Variants in SMYD3 observed in about 807,000 individuals in gnomAD.
SMYD3 encodes the protein SET and MYND domain containing 3.
SMYD3 carries 36 observed loss-of-function variants against 57.7 expected under a neutral mutation model. The observed-to-expected ratio is 0.62, with a 90% confidence interval of 0.48 to 0.82. The LOEUF (loss-of-function observed/expected upper bound fraction) is 0.82. Among genes scored for constraint, SMYD3 ranks in the 40% least tolerant of loss-of-function variants. The pLI, the probability that SMYD3 is intolerant of heterozygous loss-of-function variation, is 0.00. For synonymous variants in SMYD3, 211 were observed against 195.0 expected (o/e 1.08, Z -0.68); for missense variants, 515 against 538.8 (o/e 0.96, Z 0.44).
At chr1:245,973,363 C>A (rs1034750602) in intron 5 of SMYD3, among the ~76,000 whole-genome samples, 1 of 152,196 alleles carries the variant, frequency 6.6e-6, no homozygotes, top group African/African-American at 2.4e-5. Flanking sequence ...ATGTTATACA[C>A]AGGGTGTTCA....
intron 5 of SMYD3, among the ~76,000 whole-genome samples, chr1:246,006,829 C>G (rs2059181125): frequency 6.6e-6 from 1 of 152,124 alleles, no homozygotes; most frequent in Non-Finnish European, 1.5e-5. Flanking sequence ...AATCGCGGGG[C>G]TATTGAAGAC....
intron 5 of SMYD3, among the ~76,000 whole-genome samples, chr1:246,217,905 G>T (rs906164659): frequency 1.3e-5 from 2 of 152,040 alleles, no homozygotes; most frequent in African/African-American, 4.8e-5. Flanking sequence ...CATACTCATG[G>T]CCCAACAATT....
chr1:245,889,549 A>C (rs949157370), intron 8 of SMYD3, among the ~76,000 whole-genome samples: 4 of 152,226 alleles, frequency 2.6e-5, no homozygotes, highest in Non-Finnish European at 5.9e-5. Flanking sequence ...TAATGAAGGA[A>C]TAAATGTCAA....
intron 6 of SMYD3, 43 bp downstream of exon 6, chr1:245,929,827 A>G (rs1455847721): frequency 8.0e-6 from 12 of 1,503,988 alleles, no homozygotes; most frequent in Non-Finnish European, 1.1e-5. Flanking sequence ...TTGGGTGGGA[A>G]TGAAAGTGTG....
At chr1:246,074,175 C>A (rs1225623558) in intron 5 of SMYD3, among the ~76,000 whole-genome samples, 3 of 152,128 alleles carry the variant, frequency 2.0e-5, no homozygotes, top group Non-Finnish European at 4.4e-5. Flanking sequence ...AGATTAGACA[C>A]CCCTGGCCCA....
intron 1 of SMYD3, among the ~76,000 whole-genome samples, chr1:246,505,378 A>C (rs1168435581): frequency 6.6e-6 from 1 of 152,108 alleles, no homozygotes; most frequent in Non-Finnish European, 1.5e-5. Context: ...CCAGTATCAC[A>C]AAGAAGAATG....
At chr1:246,261,036 C>T (rs1373155603) in intron 5 of SMYD3, among the ~76,000 whole-genome samples, 1 of 141,880 alleles carries the variant, frequency 7.0e-6, no homozygotes, top group Non-Finnish European at 1.5e-5. Flanking sequence ...TCATCTCTTT[C>T]TGGGTTTTGT....
rs546099403 is a variant in SMYD3, at chr1:246,350,542, G to A, written c.228+4489C>T. Among the ~76,000 whole-genome samples, 8 of 152,312 alleles carry A rather than the reference G, an allele frequency of 5.3e-5. No homozygotes were observed. In the East Asian group the frequency reaches 1.5e-3, roughly 29 times the overall value. On this transcript the variant is annotated intron_variant, in intron 2 of 11. Transcript: ENST00000490107. ...GATGACTAAATGGATCTGTCGCCAA[G>A]AAAGGATGAGAATCGGAGATGACAC...
At chr1:245,956,007 A>T (rs973971579) in intron 5 of SMYD3, 7 of 985,250 alleles carry the variant, frequency 7.1e-6, no homozygotes, top group Non-Finnish European at 8.4e-6. Context: ...TTCCATAGGA[A>T]CACTGTTTGT....
chr1:246,126,811 T>C (rs2061516639), intron 5 of SMYD3, among the ~76,000 whole-genome samples: 1 of 152,212 alleles, frequency 6.6e-6, no homozygotes, highest in Admixed American at 6.5e-5. Context: ...TCTCCAGGAA[T>C]AGTCAACAAG....
chr1:246,154,830 G>A (rs2061998481), intron 5 of SMYD3, among the ~76,000 whole-genome samples: 1 of 150,418 alleles, frequency 6.6e-6, no homozygotes, highest in Admixed American at 6.6e-5. Context: ...CGCCCAGGCT[G>A]GAGTGCACTG....
Position 245,898,544 on chromosome 1 carries a change from TAAC to T in SMYD3, c.813+16983_813+16985del, listed in dbSNP as rs1287799752. Among the ~76,000 whole-genome samples the T allele has an allele frequency of 5.3e-5, 8 of 152,332 alleles. No individual in the cohort carries two copies. The South Asian group carries it at 8.3e-4, about 16-fold the overall frequency. On this transcript the variant is annotated intron_variant, in intron 8 of 11. Coordinates refer to ENST00000490107, the MANE Select transcript of SMYD3 (RefSeq NM_001167740.2). The stretch of plus-strand genomic sequence containing the variant: ...AATGCTTGAACATTTCTGAGCAAAG[TAAC>T]AACATGAGAATAGTGGCATCTGAGA...
intron 10 of SMYD3, among the ~76,000 whole-genome samples, chr1:245,824,902 G>A (rs2049393520): frequency 4.0e-5 from 6 of 150,020 alleles, no homozygotes; most frequent in Admixed American, 3.3e-4. Flanking sequence ...GTGGCGGCGT[G>A]TACCTGCAAT....
intron 1 of SMYD3, among the ~76,000 whole-genome samples, chr1:246,475,758 GCATGCAC>G (rs113369551): frequency 0.023 from 3,440 of 152,112 alleles, 140 homozygotes; most frequent in African/African-American, 0.078. Flanking sequence ...GAGACTACAG[GCATGCAC>G]CAACACACCA....
At chr1:246,378,777 T>A (rs1572439734) in intron 1 of SMYD3, among the ~76,000 whole-genome samples, 1 of 58,094 alleles carries the variant, frequency 1.7e-5, no homozygotes, top group African/African-American at 7.1e-5. Context: ...ATATATAATT[T>A]AATATATTTA....
chr1:246,015,815 G>A (rs1433195913), intron 5 of SMYD3, among the ~76,000 whole-genome samples: 5 of 152,154 alleles, frequency 3.3e-5, no homozygotes, highest in Non-Finnish European at 5.9e-5. Flanking sequence ...ACATTTTGTA[G>A]ATCCATACAT....
intron 8 of SMYD3, among the ~76,000 whole-genome samples, chr1:245,867,649 CGTGCGTGTGCGT>C (rs1367952357): frequency 0.047 from 6,253 of 133,382 alleles, 145 homozygotes; most frequent in Non-Finnish European, 0.061. Flanking sequence ...TGTGCATGCG[CGTGCGTGTGCGT>C]GCGCGCGCAC....
chr1:245,838,502 T>A (rs1230973863), intron 10 of SMYD3, among the ~76,000 whole-genome samples: 1 of 152,240 alleles, frequency 6.6e-6, no homozygotes, highest in African/African-American at 2.4e-5. Flanking sequence ...AGCCACAGCT[T>A]TCAGAGCTCT....
At chr1:245,763,473 C>T (rs781473433) in intron 11 of SMYD3, among the ~76,000 whole-genome samples, 6 of 152,056 alleles carry the variant, frequency 3.9e-5, no homozygotes, top group South Asian at 2.1e-4. Flanking sequence ...GGTTGTGATG[C>T]GGAGAGCACT....
Sources: allele counts gnomAD v4.1 joint callset (sites outside exome capture counted in the v4.1 genomes callset), GRCh38; gene constraint gnomAD v4.1.1; transcripts MANE v1.5; gene names NCBI Gene and HGNC (gene_info 2026-07-23, HGNC 2026-07-21).